The following LARP1 variants were observed in gnomAD, a reference collection of about 807,000 sequenced individuals.
LARP1 encodes la-related protein 1.
A neutral mutation model predicts 122.7 loss-of-function variants in LARP1; 36 were observed. The observed-to-expected ratio is 0.29, with a 90% CI of 0.22 to 0.39. The LOEUF (loss-of-function observed/expected upper bound fraction) is 0.39, where lower values mean the gene tolerates loss of function less well. Among genes scored for constraint, LARP1 ranks in the 10% least tolerant of loss-of-function variants. LARP1 has a pLI of 1.00. For synonymous variants in LARP1, 539 were observed against 528.7 expected (o/e 1.02, Z -0.27); for missense variants, 1,040 against 1,403.6 (o/e 0.74, Z 4.14).
chr5:154,799,783 T>C (rs767988563), intron 9 of LARP1, 24 bp downstream of exon 9: 3 of 1,613,866 alleles, frequency 1.9e-6, no homozygotes, highest in Middle Eastern at 1.7e-4. Flanking sequence ...GGCATGAAGA[T>C]TGCCCTTGTC....
upstream of LARP1, among the ~76,000 whole-genome samples, chr5:154,708,728 C>T (rs1162974245): frequency 2.0e-5 from 3 of 152,106 alleles, no homozygotes; most frequent in African/African-American, 7.2e-5. Context: ...TCTCCTGCCT[C>T]AGCCTCCTGA....
chr5:154,804,326 G>A lies in LARP1; in HGVS notation c.2546+19G>A. Reference sequence around the variant, plus strand: ...CCATCAGGTACCTGGGGCAGTGGGGGAAGAGTGATCAGGCTGCCTATGGGA... The same window carrying A: ...CCATCAGGTACCTGGGGCAGTGGGGAAAGAGTGATCAGGCTGCCTATGGGA... On this transcript the variant is annotated intron_variant, in intron 14 of 18. Transcript: ENST00000518297. 1.3e-6 allele frequency: 2 copies of A among 1,580,392 alleles called. No homozygotes were observed. Among genetic ancestry groups the A allele is most frequent in the South Asian group, 1.1e-5 (1 of 90,388 alleles).
At chr5:154,749,877 C>T (rs1265586394) in intron 1 of LARP1, among the ~76,000 whole-genome samples, 1 of 152,232 alleles carries the variant, frequency 6.6e-6, no homozygotes, top group Non-Finnish European at 1.5e-5. Context: ...ATAATAAGCA[C>T]AGATAACTCA....
rs1226338269 is a variant in LARP1 at position 154,741,796 on chromosome 5, G to GTTGT, written c.205+28681_205+28684dup. On this transcript the variant is annotated intron_variant, in intron 1 of 18. Coordinates refer to the LARP1 transcript ENST00000336314. The stretch of plus-strand genomic sequence containing the variant: ...TTCTTGTAATAGGCAGTTATGGAGG[G>GTTGT]TTGTTTGTTTGTTTGTTTTTAAGAG... 7.9e-5 allele frequency among the ~76,000 whole-genome samples: 12 copies of GTTGT among 152,042 alleles called. No individual in the cohort carries two copies. The East Asian group carries it at 1.4e-3, about 17-fold the overall frequency.
At chr5:154,714,743 A>G (rs1435183817) in intron 1 of LARP1, among the ~76,000 whole-genome samples, 4 of 152,246 alleles carry the variant, frequency 2.6e-5, no homozygotes, top group African/African-American at 9.6e-5. Flanking sequence ...CTCTCGGGGT[A>G]GAGCCTATGG....
At position 154,814,037 on chromosome 5, in the gene LARP1, G is replaced by A. The variant is rs760976936; in HGVS notation, c.3232G>A (p.Val1078Ile). 6.2e-7 allele frequency: 1 copy of A among 1,614,030 alleles called. No homozygotes were observed. The highest frequency in any genetic ancestry group is 8.5e-7 in the Non-Finnish European group (1 of 1,180,034). ...CCCTACACCACCCACCGGCCAGCCT[G>A]TCCGGGAAGATGCCAAATGGACAAG... ...QPPTPPTGQPVREDAKWTSQH... is the reference protein window; with the variant it reads ...QPPTPPTGQPIREDAKWTSQH... The change falls in exon 19 of 19, where the codon GTC becomes ATC. Residue 1078 changes from valine (V) to isoleucine (I), a missense_variant. Physicochemically the swap from Val to Ile is conservative, Grantham distance 29 (BLOSUM62 3). This residue lies in a region of LARP1 where 129 missense variants were observed against 160.8 expected (regional missense o/e 0.80). Transcript: ENST00000518297.
At chr5:154,725,013 A>G (rs1756114062) in intron 1 of LARP1, among the ~76,000 whole-genome samples, 3 of 152,156 alleles carry the variant, frequency 2.0e-5, no homozygotes, top group Admixed American at 1.3e-4. Flanking sequence ...CTGTTGCCTC[A>G]CACCTGTAAT....
chr5:154,807,602 A>G (rs973345168), intron 15 of LARP1, among the ~76,000 whole-genome samples: 1 of 152,102 alleles, frequency 6.6e-6, no homozygotes, highest in Non-Finnish European at 1.5e-5. Context: ...CCAGGCAGGA[A>G]TGCAGTGACT....
intron 1 of LARP1, among the ~76,000 whole-genome samples, chr5:154,687,064 G>A (rs1173011419): frequency 6.6e-6 from 1 of 152,226 alleles, no homozygotes; most frequent in Non-Finnish European, 1.5e-5. Context: ...GGGTGGGTCT[G>A]GGGGAAGATG....
At chr5:154,736,622 G>A (rs1756919735) in intron 1 of LARP1, among the ~76,000 whole-genome samples, 1 of 151,366 alleles carries the variant, frequency 6.6e-6, no homozygotes, top group Admixed American at 6.6e-5. Context: ...CTGGAGTGCA[G>A]TAGCATGATC....
intron 1 of LARP1, among the ~76,000 whole-genome samples, chr5:154,744,339 G>C (rs1753065447): frequency 6.6e-6 from 1 of 152,040 alleles, no homozygotes; most frequent in South Asian, 2.1e-4. Context: ...CTCTCCTTTA[G>C]TCTCCTGAAC....
intron 1 of LARP1, among the ~76,000 whole-genome samples, chr5:154,715,003 C>T (rs1755411914): frequency 6.6e-6 from 1 of 151,942 alleles, no homozygotes; most frequent in Non-Finnish European, 1.5e-5. Flanking sequence ...CATGGTGAAA[C>T]TCCGTCTCTA....
chr5:154,814,123 G>T lies in LARP1; in HGVS notation c.*27G>T, dbSNP rs372762868. ...AAGCTCCTTAGCCCTGGGGCTTGAGGGGGGAAAGGGGTAGGGTGGGTAAGA... is the reference window on the plus strand; with the variant it reads ...AAGCTCCTTAGCCCTGGGGCTTGAGTGGGGAAAGGGGTAGGGTGGGTAAGA... On this transcript the variant is annotated 3_prime_UTR_variant, in exon 19 of 19. Transcript: ENST00000518297. 9.9e-6 allele frequency: 16 copies of T among 1,610,176 alleles called. No homozygotes were observed. The highest frequency in any genetic ancestry group is 1.3e-5 in the Non-Finnish European group (15 of 1,177,162).
At chr5:154,732,470 A>C (rs1203806574) in intron 1 of LARP1, among the ~76,000 whole-genome samples, 1 of 152,208 alleles carries the variant, frequency 6.6e-6, no homozygotes, top group African/African-American at 2.4e-5. Context: ...TGAGTACTAC[A>C]GGGGGAAAGA....
chr5:154,785,624 C>T (rs1756817412), intron 1 of LARP1, among the ~76,000 whole-genome samples: 1 of 152,146 alleles, frequency 6.6e-6, no homozygotes, highest in Admixed American at 6.6e-5. Context: ...AAGTCCATCC[C>T]ATAGCAAAGT....
upstream of LARP1, among the ~76,000 whole-genome samples, chr5:154,755,358 C>T (rs1368120543): frequency 2.0e-5 from 3 of 150,794 alleles, no homozygotes; most frequent in African/African-American, 7.3e-5. Flanking sequence ...GCTTGGCTCG[C>T]CGCGCCTCTC....
intron 1 of LARP1, among the ~76,000 whole-genome samples, chr5:154,704,803 AAAC>A (rs1754871944): frequency 6.6e-6 from 1 of 151,552 alleles, no homozygotes; most frequent in Admixed American, 6.6e-5. Context: ...AACAAGCAAA[AAAC>A]AACTCCATTA....
chr5:154,713,144 C>T (rs773676913), intron 1 of LARP1: 3 of 1,603,690 alleles, frequency 1.9e-6, no homozygotes, highest in African/African-American at 2.7e-5. Context: ...AGTCCTAGCA[C>T]TCTGCGTTTC....
At chr5:154,691,175 T>C (rs6580105) in intron 1 of LARP1, among the ~76,000 whole-genome samples, 66,297 of 148,214 alleles carry the variant, frequency 0.45, 15,780 homozygotes, top group Non-Finnish European at 0.55. Flanking sequence ...GGCAGGAGAA[T>C]GGCGTGAACC....
Sources: allele counts gnomAD v4.1 joint callset (sites outside exome capture counted in the v4.1 genomes callset), GRCh38; gene constraint gnomAD v4.1.1; regional missense constraint gnomAD v4.1.1; transcripts MANE v1.5; gene names NCBI Gene and HGNC (gene_info 2026-07-23, HGNC 2026-07-21).